Variants in SGPP2 observed in about 807,000 individuals in gnomAD.
SGPP2 encodes sphingosine-1-phosphate phosphatase 2.
Under a neutral mutation model 33.9 loss-of-function variants are expected in SGPP2, and 30 were observed. The observed-to-expected ratio is 0.89, with a 90% confidence interval of 0.66 to 1.20. The LOEUF (loss-of-function observed/expected upper bound fraction) is 1.20. Ranked by LOEUF, SGPP2 falls within the 50% of genes most tolerant of loss-of-function variation. SGPP2 has a pLI of 0.00. For missense variants in SGPP2, 458 were observed against 532.1 expected, an observed-to-expected ratio of 0.86 and a Z score of 1.37; for synonymous variants, 233 against 225.0, an observed-to-expected ratio of 1.04 and a Z score of -0.32.
intron 1 of SGPP2, among the ~76,000 whole-genome samples, chr2:222,466,451 G>C (rs778108670): frequency 1.3e-5 from 2 of 151,806 alleles, no homozygotes; most frequent in Non-Finnish European, 2.9e-5. Flanking sequence ...GTGGAGATGG[G>C]GTTTCACCAT....
At chr2:222,530,017 A>T (rs1698816118) in intron 4 of SGPP2, among the ~76,000 whole-genome samples, 1 of 152,220 alleles carries the variant, frequency 6.6e-6, no homozygotes, top group Admixed American at 6.5e-5. Flanking sequence ...TCTCCATCTT[A>T]GGTGACCAGG....
At chr2:222,450,198 C>T (rs907191278) in intron 1 of SGPP2, among the ~76,000 whole-genome samples, 14 of 152,180 alleles carry the variant, frequency 9.2e-5, no homozygotes, top group African/African-American at 2.9e-4. Context: ...CAGCACCCCA[C>T]GTTATTTACT....
chr2:222,524,800 T>C, intron 3 of SGPP2, 144 bp from the exon 4 acceptor site: 1 of 648,248 alleles, frequency 1.5e-6, no homozygotes, highest in Non-Finnish European at 2.7e-6. Context: ...AAAAAAGTTT[T>C]AAGTTAATCA....
At chr2:222,449,400 T>C (rs1262359188) in intron 1 of SGPP2, among the ~76,000 whole-genome samples, 1 of 152,062 alleles carries the variant, frequency 6.6e-6, no homozygotes, top group East Asian at 1.9e-4. Flanking sequence ...AATGGTCAGG[T>C]TTACAACTTT....
chr2:222,536,994 C>T (rs1698925580), intron 4 of SGPP2, among the ~76,000 whole-genome samples: 1 of 152,146 alleles, frequency 6.6e-6, no homozygotes, highest in Non-Finnish European at 1.5e-5. Context: ...AATTCACCTT[C>T]TTCAAAAGGC....
intron 1 of SGPP2, 49 bp from the exon 2 acceptor site, chr2:222,474,519 C>G (rs773854020): frequency 6.4e-7 from 1 of 1,568,904 alleles, no homozygotes; most frequent in Non-Finnish European, 8.7e-7. Flanking sequence ...ATGTTTAAAA[C>G]TTGACATATT....
At chr2:222,544,283 C>T (rs913019259) in intron 4 of SGPP2, among the ~76,000 whole-genome samples, 2 of 152,190 alleles carry the variant, frequency 1.3e-5, no homozygotes, top group Non-Finnish European at 2.9e-5. Context: ...CTGTTCTGTA[C>T]TATGCCTCCA....
chr2:222,445,839 C>T (rs75344827), intron 1 of SGPP2, among the ~76,000 whole-genome samples: 4 of 152,196 alleles, frequency 2.6e-5, no homozygotes, highest in African/African-American at 9.7e-5. Context: ...CCTGCCTCAT[C>T]ATCTGGGTAC....
intron 2 of SGPP2, among the ~76,000 whole-genome samples, chr2:222,475,732 T>C (rs1171437599): frequency 6.6e-6 from 1 of 152,184 alleles, no homozygotes; most frequent in African/African-American, 2.4e-5. Flanking sequence ...AGTTCTGATT[T>C]TGTGTCTCAT....
At chr2:222,511,446 T>A (rs1574869723) in intron 2 of SGPP2, among the ~76,000 whole-genome samples, 1 of 152,286 alleles carries the variant, frequency 6.6e-6, no homozygotes, top group Non-Finnish European at 1.5e-5. Flanking sequence ...TACTAAGGTG[T>A]TAATGGTCTG....
intron 1 of SGPP2, among the ~76,000 whole-genome samples, chr2:222,444,961 A>G (rs889700388): frequency 6.6e-6 from 1 of 152,182 alleles, no homozygotes; most frequent in Non-Finnish European, 1.5e-5. Flanking sequence ...TTTAGCATGC[A>G]AGCATCCAGA....
chr2:222,540,160 G>T (rs1698970475), intron 4 of SGPP2, among the ~76,000 whole-genome samples: 1 of 152,112 alleles, frequency 6.6e-6, no homozygotes, highest in African/African-American at 2.4e-5. Flanking sequence ...GGTTTTTTCA[G>T]ATTTTTGAAT....
Position 222,560,756 on chromosome 2 carries a change from G to A in SGPP2, c.*1858G>A, listed in dbSNP as rs990837149. The A allele has an allele frequency of 6.6e-6, 1 of 152,096 alleles. No homozygotes were observed. Among genetic ancestry groups the A allele is most frequent in the Non-Finnish European group, 1.5e-5 (1 of 68,018 alleles). 9.4% of individuals were successfully genotyped at this position (152,096 alleles called of 1,614,324 possible). Reference sequence around the variant, plus strand: ...TCACATTTTTCTTGATTTCAAATATGTTCTACGGCCTTACTGTTGGGATGA... The same window carrying A: ...TCACATTTTTCTTGATTTCAAATATATTCTACGGCCTTACTGTTGGGATGA... On this transcript the variant is annotated 3_prime_UTR_variant, in exon 5 of 5. Transcript: ENST00000321276.
chr2:222,514,864 C>T (rs968353295), intron 2 of SGPP2, among the ~76,000 whole-genome samples: 1 of 152,148 alleles, frequency 6.6e-6, no homozygotes, highest in Non-Finnish European at 1.5e-5. Flanking sequence ...CTGCTGAGGA[C>T]CAGGGGCTGA....
chr2:222,453,022 T>A, intron 1 of SGPP2: 1 of 1,578,808 alleles, frequency 6.3e-7, no homozygotes, highest in East Asian at 2.2e-5. Flanking sequence ...GTCTTCTGTT[T>A]CTTGACTGGG....
At chr2:222,530,647 T>C (rs1698824493) in intron 4 of SGPP2, among the ~76,000 whole-genome samples, 1 of 152,226 alleles carries the variant, frequency 6.6e-6, no homozygotes, top group Non-Finnish European at 1.5e-5. Context: ...GGGAATGTTG[T>C]GACTGGTTTG....
At chr2:222,471,066 T>G (rs899165002) in intron 1 of SGPP2, among the ~76,000 whole-genome samples, 1 of 152,218 alleles carries the variant, frequency 6.6e-6, no homozygotes, top group African/African-American at 2.4e-5. Context: ...GTCATTCCTG[T>G]TTAGGATGAA....
chr2:222,496,433 C>T (rs1470234771), intron 2 of SGPP2, among the ~76,000 whole-genome samples: 4 of 152,224 alleles, frequency 2.6e-5, no homozygotes, highest in South Asian at 2.1e-4. Flanking sequence ...TTCAGGCCTG[C>T]GTCATCTTTA....
In SGPP2 at chr2:222,562,262, T is replaced by G. The variant is rs554262954; in HGVS notation, c.*3364T>G. Among the ~76,000 whole-genome samples the G allele has an allele frequency of 2.6e-5, 4 of 152,328 alleles. No individual in the cohort carries two copies. In the East Asian group the frequency reaches 7.7e-4, roughly 29 times the overall value. ...CCACTGTGGGCCAAGCCATCCATCT[T>G]GCAATCTTCATCTAAAACAGCTCTC... On this transcript the variant is annotated 3_prime_UTR_variant, in exon 5 of 5. Transcript: ENST00000321276.
Sources: gnomAD v4.1 joint callset for allele counts (sites outside exome capture counted in the v4.1 genomes callset) on GRCh38, gnomAD v4.1.1 for gene constraint, MANE v1.5 for transcripts, NCBI Gene and HGNC (gene_info 2026-07-23, HGNC 2026-07-21) for gene names.